The following DGKD variants were observed in gnomAD, a reference collection of about 807,000 sequenced individuals.
DGKD encodes DAG kinase delta.
A neutral mutation model predicts 154.4 loss-of-function variants in DGKD; 68 were observed. The ratio of observed to expected loss-of-function variants is 0.44; its 90% CI spans 0.36 to 0.54. The LOEUF (loss-of-function observed/expected upper bound fraction) is 0.54. DGKD is among the 20% of genes least tolerant of loss of function. The pLI, the probability that DGKD is intolerant of heterozygous loss-of-function variation, is 0.00. For missense variants in DGKD, 1,343 were observed against 1,593.6 expected (o/e 0.84, Z 2.68); for synonymous variants, 693 against 638.0 (o/e 1.09, Z -1.30).
At position 233,454,772 on chromosome 2, in the gene DGKD, C is replaced by T. The variant is rs1031510585; in HGVS notation, c.2274C>T (p.Tyr758=). Reference sequence around the variant, plus strand: ...AAACTCACCTTTGCAGAGAGTATTACACGGAGAAATGTGTCATGAACAACT... The same window carrying T: ...AAACTCACCTTTGCAGAGAGTATTATACGGAGAAATGTGTCATGAACAACT... ...FNSEPETLEY[Y]TEKCVMNNYF... The change falls in exon 19 of 30, where the codon TAC becomes TAT. Residue 758 remains tyrosine, a synonymous_variant. Coordinates refer to ENST00000264057, the MANE Select transcript of DGKD (RefSeq NM_152879.3). 44 of 1,607,734 alleles carry T rather than the reference C, an allele frequency of 2.7e-5. No individual in the cohort carries two copies. The highest frequency in any genetic ancestry group is 1.6e-4 in the East Asian group (7 of 44,844).
chr2:233,424,832 A>G (rs1390040803), intron 3 of DGKD, among the ~76,000 whole-genome samples: 8 of 152,224 alleles, frequency 5.3e-5, no homozygotes, highest in Non-Finnish European at 2.9e-5. Flanking sequence ...TGCCTCGCCC[A>G]TATTAGCCAA....
intron 1 of DGKD, among the ~76,000 whole-genome samples, chr2:233,373,287 T>C (rs1462891064): frequency 6.6e-6 from 1 of 152,186 alleles, no homozygotes; most frequent in East Asian, 1.9e-4. Context: ...GGAAATAAGA[T>C]GGAATAGGAA....
In DGKD at chr2:233,438,088, C is replaced by T; in HGVS notation, c.923-129C>T. On this transcript the variant is annotated intron_variant, in intron 8 of 29. Transcript: ENST00000264057. The surrounding 1 kb of genome is among the most constrained non-coding windows in gnomAD (Gnocchi z 4.1). ...GTGGGGAACTGTTCACTGACCTCCTCCTGACTTACAGGTGTGCATGTGTCA... is the reference window on the plus strand; with the variant it reads ...GTGGGGAACTGTTCACTGACCTCCTTCTGACTTACAGGTGTGCATGTGTCA... 1.9e-6 allele frequency: 2 copies of T among 1,066,606 alleles called. No individual in the cohort carries two copies. Among genetic ancestry groups the T allele is most frequent in the Non-Finnish European group, 2.7e-6 (2 of 727,550 alleles). The allele number at this position is 1,066,606 out of a possible 1,614,324, so 66.1% of individuals were successfully genotyped here.
intron 27 of DGKD, among the ~76,000 whole-genome samples, chr2:233,465,726 C>T (rs1022183991): frequency 3.3e-5 from 5 of 152,218 alleles, no homozygotes; most frequent in East Asian, 1.9e-4. Flanking sequence ...GCAAGGGTAT[C>T]GCTAACAGCA....
At chr2:233,412,351 C>T (rs957929109) in intron 3 of DGKD, among the ~76,000 whole-genome samples, 1 of 151,776 alleles carries the variant, frequency 6.6e-6, no homozygotes, top group East Asian at 1.9e-4. Context: ...TTGTTAGATT[C>T]ATTTCAATGT....
chr2:233,366,720 A>C (rs1206617144), intron 1 of DGKD, among the ~76,000 whole-genome samples: 1 of 152,116 alleles, frequency 6.6e-6, no homozygotes, highest in Non-Finnish European at 1.5e-5. Context: ...GTCATGCAGC[A>C]GCAGTGAGGA....
chr2:233,458,296 C>T lies in DGKD; in HGVS notation c.2593C>T (p.Pro865Ser), dbSNP rs908418348. Residue 865 changes from proline to serine, a missense_variant, in exon 22 of 30, where the codon CCA becomes TCA. Around this residue, in one of 6 missense-constraint regions of DGKD, gnomAD observed 429 missense variants for 496.3 expected, o/e 0.86. Coordinates refer to ENST00000264057, the MANE Select transcript of DGKD (RefSeq NM_152879.3). The surrounding 1 kb of genome is among the most constrained non-coding windows in gnomAD (Gnocchi z 6.6). ...GTKEDDTFAA[P>S]SFDDKILEVV... ...GTGTCCCTTGCAGACTTTCGCAGCT[C>T]CATCATTCGATGACAAGATTCTGGA... 1 of 1,612,418 alleles carries T rather than the reference C, an allele frequency of 6.2e-7. No individual in the cohort carries two copies. The highest frequency in any genetic ancestry group is 8.5e-7 in the Non-Finnish European group (1 of 1,179,310).
intron 1 of DGKD, among the ~76,000 whole-genome samples, chr2:233,381,747 A>G (rs1702914657): frequency 1.3e-5 from 2 of 152,180 alleles, no homozygotes; most frequent in Non-Finnish European, 2.9e-5. Flanking sequence ...AGCTTTAGAG[A>G]TAGAATTGGA....
Position 233,438,443 on chromosome 2 carries a change from G to GT in DGKD, c.1085+66dup. 10 of 1,457,166 alleles carry GT rather than the reference G, an allele frequency of 6.9e-6. No homozygotes were observed. Among genetic ancestry groups the GT allele is most frequent in the Non-Finnish European group, 8.2e-6 (9 of 1,097,038 alleles). The allele number at this position is 1,457,166 out of a possible 1,614,324, so 90.3% of individuals were successfully genotyped here. A position where few individuals can be genotyped will look rare whatever the true frequency, so the allele number is the denominator to read the frequency against. The stretch of plus-strand genomic sequence containing the variant: ...AAAATTGTGTAGATAGTGTGTGCTT[G>GT]TTAAAAAAAAAAAGTTCAAAGACAC... On this transcript the variant is annotated intron_variant, in intron 9 of 29. Coordinates refer to ENST00000264057, the MANE Select transcript of DGKD (RefSeq NM_152879.3). This position sits in a 1 kb window ranked among gnomAD's most constrained non-coding sequence, Gnocchi z 4.1.
intron 1 of DGKD, among the ~76,000 whole-genome samples, chr2:233,368,758 A>C (rs939379234): frequency 1.3e-5 from 2 of 152,136 alleles, no homozygotes; most frequent in South Asian, 4.1e-4. Context: ...AATCAGTTAC[A>C]GTCATTCTTT....
chr2:233,368,529 G>T (rs1702151576), intron 1 of DGKD, among the ~76,000 whole-genome samples: 1 of 151,934 alleles, frequency 6.6e-6, no homozygotes, highest in Non-Finnish European at 1.5e-5. Context: ...AAAATAAAAG[G>T]ATATTTGCTC....
In DGKD at chr2:233,458,612, A is replaced by C. The variant is rs1402465744; in HGVS notation, c.2694+215A>C. ...TAAATTCTCAAGATAACTCTTTTTA[A>C]TTTTTTTTTTTTTTTTTGAGACAGA... On this transcript the variant is annotated intron_variant, in intron 22 of 29. Transcript: ENST00000264057. This position sits in a 1 kb window ranked among gnomAD's most constrained non-coding sequence, Gnocchi z 6.6. Among the ~76,000 whole-genome samples the C allele has an allele frequency of 7.1e-6, 1 of 140,092 alleles. No homozygotes were observed. The highest frequency in any genetic ancestry group is 2.3e-4 in the South Asian group (1 of 4,406). 91.9% of individuals were successfully genotyped at this position (140,092 alleles called of 152,430 possible).
chr2:233,389,772 G>A (rs371875601), intron 2 of DGKD, among the ~76,000 whole-genome samples: 38 of 152,190 alleles, frequency 2.5e-4, no homozygotes, highest in African/African-American at 6.8e-4. Context: ...GGGGGACCCT[G>A]TAGGGAGTGG....
intron 16 of DGKD, among the ~76,000 whole-genome samples, chr2:233,450,664 C>T (rs913223049): frequency 2.6e-5 from 4 of 152,108 alleles, no homozygotes; most frequent in African/African-American, 7.2e-5. Context: ...TCCCACAGCC[C>T]GGACTGACTG....
At chr2:233,377,530 C>T (rs73106663) in intron 1 of DGKD, among the ~76,000 whole-genome samples, 1,627 of 152,234 alleles carry the variant, frequency 0.011, 25 homozygotes, top group African/African-American at 0.037. Context: ...GTAATTTATT[C>T]GACCACTAGC....
intron 3 of DGKD, among the ~76,000 whole-genome samples, chr2:233,397,588 GAGGC>G (rs2061449982): frequency 6.6e-6 from 1 of 151,850 alleles, no homozygotes; most frequent in African/African-American, 2.4e-5. Flanking sequence ...GTGGCTGGCA[GAGGC>G]CAGAGTGAGA....
chr2:233,370,223 T>C (rs1301875316), intron 1 of DGKD, among the ~76,000 whole-genome samples: 1 of 152,158 alleles, frequency 6.6e-6, no homozygotes, highest in Non-Finnish European at 1.5e-5. Context: ...TTATTATTTA[T>C]TTATTTTTTA....
chr2:233,384,847 A>G (rs1575011821), intron 1 of DGKD, among the ~76,000 whole-genome samples: 1 of 152,092 alleles, frequency 6.6e-6, no homozygotes, highest in Admixed American at 6.6e-5. Context: ...CCCAGGGAGC[A>G]GCTGCCGGCC....
rs759890816 is a variant in DGKD, at chr2:233,460,380, TC to T, written c.2981+40del. On this transcript the variant is annotated intron_variant, in intron 24 of 29. Coordinates refer to ENST00000264057, the MANE Select transcript of DGKD (RefSeq NM_152879.3). ...TACCCCTCTGCGTTGCGCATGAGCCTCCCCCAGGGTCCCTGGGACTGCACTC... is the reference window on the plus strand; with the variant it reads ...TACCCCTCTGCGTTGCGCATGAGCCTCCCCAGGGTCCCTGGGACTGCACTC... The T allele has an allele frequency of 6.8e-6, 11 of 1,608,424 alleles. No individual in the cohort carries two copies. The African/African-American group carries it at 1.5e-4, about 21-fold the overall frequency.
Sources: allele counts gnomAD v4.1 joint callset (sites outside exome capture counted in the v4.1 genomes callset), GRCh38; gene constraint gnomAD v4.1.1; regional missense constraint gnomAD v4.1.1; non-coding constraint Gnocchi (gnomAD v3.1); transcripts MANE v1.5; gene names NCBI Gene and HGNC (gene_info 2026-07-23, HGNC 2026-07-21).